Variants in CDKL4 observed in about 807,000 individuals in gnomAD.
The protein encoded by CDKL4 is cyclin dependent kinase like 4, also known as cyclin-dependent kinase-like 4.
A neutral mutation model predicts 42.0 loss-of-function variants in CDKL4; 44 were observed. The ratio of observed to expected loss-of-function variants is 1.05; its 90% CI spans 0.82 to 1.35. CDKL4 has a LOEUF of 1.35. CDKL4 is among the 40% of genes most tolerant of loss of function. The pLI is 0.00. For synonymous variants in CDKL4, 120 were observed against 121.6 expected (o/e 0.99, Z 0.09); for missense variants, 393 against 369.9 (o/e 1.06, Z -0.51).
intron 3 of CDKL4, among the ~76,000 whole-genome samples, chr2:39,221,905 T>C (rs1373169407): frequency 6.6e-6 from 1 of 152,244 alleles, no homozygotes; most frequent in Non-Finnish European, 1.5e-5. Flanking sequence ...TGTGCATCCC[T>C]TGCATCAACA....
At chr2:39,225,264 G>A (rs899657179) in intron 3 of CDKL4, among the ~76,000 whole-genome samples, 2 of 152,072 alleles carry the variant, frequency 1.3e-5, no homozygotes, top group African/African-American at 4.8e-5. Context: ...GCCGGGCATG[G>A]TGGTGTGTGC....
intron 1 of CDKL4, among the ~76,000 whole-genome samples, chr2:39,242,145 G>C (rs1679694118): frequency 6.6e-6 from 1 of 151,728 alleles, no homozygotes; most frequent in Non-Finnish European, 1.5e-5. Flanking sequence ...TGCTGGGCTT[G>C]AGCAATTCTC....
rs572696051 is a variant in CDKL4, at chr2:39,235,366, AT to A, written c.-56-5779del. 2.3e-3 allele frequency among the ~76,000 whole-genome samples: 354 copies of A among 152,360 alleles called. 1 individual carries two copies. The highest frequency in any genetic ancestry group is 8.2e-3 in the African/African-American group (339 of 41,590). ...ACAAGAGTGGAAGAATAAGAAAAAA[AT>A]ATTATAAATTCTGACAAAGTAGAAA... On this transcript the variant is annotated intron_variant, in intron 1 of 9. Transcript: ENST00000451199.
intron 3 of CDKL4, among the ~76,000 whole-genome samples, chr2:39,219,913 A>T (rs978968827): frequency 2.0e-5 from 3 of 152,172 alleles, no homozygotes; most frequent in Non-Finnish European, 1.5e-5. Flanking sequence ...GAGCTTTAAT[A>T]TCTTGGTTCA....
rs1157655136 is a variant in CDKL4 at position 39,220,976 on chromosome 2, C to CTTTTTTTTTTTTTTTTTTTTTTTTTTTT, written c.290+4862_290+4863insAAAAAAAAAAAAAAAAAAAAAAAAAAAA. ...AATCCGCATTCACTACATCGACGAT[C>CTTTTTTTTTTTTTTTTTTTTTTTTTTTT]TTTTTTTTTTTTTTTTTTTTTTTTG... On this transcript the variant is annotated intron_variant, in intron 3 of 9. Coordinates refer to ENST00000451199, the Ensembl canonical transcript of CDKL4. Among the ~76,000 whole-genome samples the CTTTTTTTTTTTTTTTTTTTTTTTTTTTT allele has an allele frequency of 5.9e-4, 29 of 49,120 alleles. 5 individuals carry two copies. Among genetic ancestry groups the CTTTTTTTTTTTTTTTTTTTTTTTTTTTT allele is most frequent in the South Asian group, 2.6e-3 (2 of 778 alleles). 32.2% of individuals were successfully genotyped at this position (49,120 alleles called of 152,430 possible). A position where few individuals can be genotyped will look rare whatever the true frequency, so the allele number is the denominator to read the frequency against.
chr2:39,176,345 G>A (rs887924785), intron 9 of CDKL4, among the ~76,000 whole-genome samples: 1 of 152,124 alleles, frequency 6.6e-6, no homozygotes, highest in African/African-American at 2.4e-5. Context: ...CTTAATCTGA[G>A]TATCTAGTCA....
chr2:39,226,451 ATATAT>A (rs1449244335), intron 2 of CDKL4, among the ~76,000 whole-genome samples: 1 of 140,380 alleles, frequency 7.1e-6, no homozygotes, highest in African/African-American at 2.6e-5. Context: ...TATATTATAT[ATATAT>A]TATATATATT....
At chr2:39,228,235 T>A (rs1262470483) in intron 2 of CDKL4, among the ~76,000 whole-genome samples, 1 of 152,184 alleles carries the variant, frequency 6.6e-6, no homozygotes, top group Non-Finnish European at 1.5e-5. Context: ...GCCCTGCAGC[T>A]TAGCTCAGTG....
intron 5 of CDKL4, among the ~76,000 whole-genome samples, chr2:39,191,020 G>A (rs938181302): frequency 6.6e-6 from 1 of 152,202 alleles, no homozygotes; most frequent in Non-Finnish European, 1.5e-5. Flanking sequence ...CAGAGACATG[G>A]AGAATGCCAA....
At chr2:39,188,115 T>G (rs958858743) in intron 6 of CDKL4, among the ~76,000 whole-genome samples, 1 of 151,966 alleles carries the variant, frequency 6.6e-6, no homozygotes, top group Non-Finnish European at 1.5e-5. Context: ...AAAACAGGGT[T>G]AACGCCTGAA....
chr2:39,194,913 A>G (rs1321632296), intron 5 of CDKL4, among the ~76,000 whole-genome samples: 1 of 152,206 alleles, frequency 6.6e-6, no homozygotes, highest in African/African-American at 2.4e-5. Context: ...ATGCACCTCC[A>G]AAGTTTTTTC....
chr2:39,234,223 C>G (rs544707784), intron 1 of CDKL4, among the ~76,000 whole-genome samples: 1 of 152,018 alleles, frequency 6.6e-6, no homozygotes, highest in South Asian at 2.1e-4. Context: ...TATATTTTCA[C>G]TTTTTTCTTT....
intron 8 of CDKL4, among the ~76,000 whole-genome samples, chr2:39,180,473 C>A (rs142898716): frequency 1.3e-5 from 2 of 152,292 alleles, no homozygotes; most frequent in African/African-American, 4.8e-5. Flanking sequence ...AGCAGTGTCA[C>A]CTGGCCCTTG....
At chr2:39,237,018 G>T (rs1448930953) in intron 1 of CDKL4, among the ~76,000 whole-genome samples, 2 of 152,080 alleles carry the variant, frequency 1.3e-5, no homozygotes, top group Non-Finnish European at 2.9e-5. Flanking sequence ...GAAGAGGAGG[G>T]AACATGTCTC....
At chr2:39,204,937 G>C (rs1319260654) in intron 4 of CDKL4, among the ~76,000 whole-genome samples, 1 of 151,204 alleles carries the variant, frequency 6.6e-6, no homozygotes, top group African/African-American at 2.4e-5. Context: ...CCAGCACTTT[G>C]TGAGGCCGAG....
intron 8 of CDKL4, among the ~76,000 whole-genome samples, chr2:39,180,871 A>T (rs1358355394): frequency 1.3e-5 from 2 of 152,046 alleles, no homozygotes; most frequent in Non-Finnish European, 2.9e-5. Flanking sequence ...TTGTATTTTT[A>T]GTAGAGACAG....
In CDKL4 at chr2:39,185,341, TATAC is replaced by T. The variant is rs1297989792; in HGVS notation, c.736-698_736-695del. On this transcript the variant is annotated intron_variant, in intron 7 of 9. Coordinates refer to ENST00000451199, the Ensembl canonical transcript of CDKL4. ...ACATATATATACACATATGTATATA[TATAC>T]ACATATGTATATATACATATATATA... 3.4e-3 allele frequency among the ~76,000 whole-genome samples: 318 copies of T among 94,886 alleles called. 145 individuals are homozygous for T. The highest frequency in any genetic ancestry group is 9.3e-3 in the Middle Eastern group (2 of 214). 62.2% of individuals were successfully genotyped at this position (94,886 alleles called of 152,430 possible).
chr2:39,207,480 G>C (rs1018584410), intron 4 of CDKL4, among the ~76,000 whole-genome samples: 2 of 152,176 alleles, frequency 1.3e-5, no homozygotes, highest in African/African-American at 4.8e-5. Flanking sequence ...AACACTCTGA[G>C]TCAGTAACAC....
intron 3 of CDKL4, 66 bp downstream of exon 3, chr2:39,225,773 G>A: frequency 1.3e-6 from 2 of 1,491,988 alleles, no homozygotes; most frequent in Non-Finnish European, 1.8e-6. Context: ...AATTTGCCAT[G>A]GTTAATTCCA....
Sources: allele counts gnomAD v4.1 joint callset (sites outside exome capture counted in the v4.1 genomes callset), GRCh38; gene constraint gnomAD v4.1.1; transcripts MANE v1.5; gene names NCBI Gene and HGNC (gene_info 2026-07-23, HGNC 2026-07-21).